The following SNX29 variants were observed in gnomAD, a reference collection of about 807,000 sequenced individuals.
The protein encoded by SNX29 is sorting nexin 29.
A neutral mutation model predicts 102.1 loss-of-function variants in SNX29; 78 were observed. That is an observed-to-expected ratio of 0.76 (90% confidence interval 0.64 to 0.92). The LOEUF is 0.92. Among genes scored for constraint, SNX29 ranks in the 40% least tolerant of loss-of-function variants. SNX29 has a pLI of 0.00. For synonymous variants in SNX29, 580 were observed against 414.5 expected (o/e 1.40, Z -4.85); for missense variants, 1,280 against 1,061.7 (o/e 1.21, Z -2.86).
At position 12,571,000 on chromosome 16, in the gene SNX29, C is replaced by T. The variant is rs115581496; in HGVS notation, c.*2371C>T. The T allele has an allele frequency of 5.0e-3, 1,162 of 232,536 alleles. 14 individuals are homozygous for T. The highest frequency in any genetic ancestry group is 0.024 in the African/African-American group (1,078 of 45,408). The allele number at this position is 232,536 out of a possible 1,614,324, so 14.4% of individuals were successfully genotyped here. Reference sequence around the variant, plus strand: ...ACCTCCCCCATGATCATGCACAGACCGTAGAGTCGAGTCATCTCGCAGATC... The same window carrying T: ...ACCTCCCCCATGATCATGCACAGACTGTAGAGTCGAGTCATCTCGCAGATC... On this transcript the variant is annotated 3_prime_UTR_variant, in exon 21 of 21. Transcript: ENST00000566228.
chr16:12,534,680 C>A (rs756449679), intron 20 of SNX29, among the ~76,000 whole-genome samples: 1 of 152,200 alleles, frequency 6.6e-6, no homozygotes, highest in Non-Finnish European at 1.5e-5. Flanking sequence ...GTCGGAGGAT[C>A]TTTGATTCTG....
At chr16:12,052,320 T>C in intron 8 of SNX29, 98 bp downstream of exon 8, 1 of 1,379,740 alleles carries the variant, frequency 7.2e-7, no homozygotes, top group South Asian at 1.3e-5. Flanking sequence ...GGGTTCAAGC[T>C]ATTCTCCTGC....
chr16:12,357,201 CT>C lies in SNX29; in HGVS notation c.1899+925del, dbSNP rs560050792. ...GCTGTGTAATGCACGCTCATATATC[CT>C]TTGTCAGGGTGAACAATTATCCGTC... is the stretch of plus-strand genomic sequence containing the variant. On this transcript the variant is annotated intron_variant, in intron 16 of 20. Coordinates refer to ENST00000566228, the MANE Select transcript of SNX29 (RefSeq NM_032167.5). 1.5e-3 allele frequency among the ~76,000 whole-genome samples: 224 copies of C among 152,306 alleles called. 2 individuals are homozygous for C. Among genetic ancestry groups the C allele is most frequent in the Non-Finnish European group, 5.4e-4 (37 of 68,036 alleles).
At chr16:12,537,849 G>A (rs1032786979) in intron 20 of SNX29, among the ~76,000 whole-genome samples, 9 of 152,244 alleles carry the variant, frequency 5.9e-5, no homozygotes, top group Admixed American at 3.3e-4. Context: ...GCTGGGCATG[G>A]TGGCTCACGC....
chr16:12,568,481 C>A, intron 20 of SNX29, 25 bp from the exon 21 acceptor site: 4 of 1,607,906 alleles, frequency 2.5e-6, no homozygotes, highest in South Asian at 1.1e-5. Context: ...CCAGACTTAA[C>A]CCGATTCTCT....
At chr16:12,509,956 A>G (rs2089538893) in intron 19 of SNX29, among the ~76,000 whole-genome samples, 1 of 152,224 alleles carries the variant, frequency 6.6e-6, no homozygotes. Flanking sequence ...CTTCCAGAAT[A>G]TGTTGGGTGA....
chr16:12,099,292 C>T (rs371647643), intron 11 of SNX29, among the ~76,000 whole-genome samples: 18 of 152,252 alleles, frequency 1.2e-4, no homozygotes, highest in South Asian at 4.1e-4. Flanking sequence ...CCCTTGGTTC[C>T]GTTTTCTTGT....
intron 14 of SNX29, among the ~76,000 whole-genome samples, chr16:12,258,195 T>C (rs988434403): frequency 2.6e-5 from 4 of 152,140 alleles, no homozygotes; most frequent in South Asian, 2.1e-4. Context: ...GAATAAGATA[T>C]GAAGTTTCCC....
At chr16:12,556,432 G>A (rs948367734) in intron 20 of SNX29, 1 of 152,252 alleles carries the variant, frequency 6.6e-6, no homozygotes, top group African/African-American at 2.4e-5. Flanking sequence ...TACAGATGCT[G>A]TGAAGAAACT....
At chr16:12,196,519 G>C (rs1723301664) in intron 13 of SNX29, among the ~76,000 whole-genome samples, 1 of 152,084 alleles carries the variant, frequency 6.6e-6, no homozygotes, top group Admixed American at 6.6e-5. Context: ...CCACTTCATA[G>C]CTAGCAAGGA....
chr16:12,151,194 TTTG>T (rs1350619413), intron 13 of SNX29, among the ~76,000 whole-genome samples: 1 of 152,210 alleles, frequency 6.6e-6, no homozygotes, highest in African/African-American at 2.4e-5. Flanking sequence ...CACTCTCTGC[TTTG>T]TTTTTTGCTT....
chr16:12,099,614 G>A (rs148348020), intron 11 of SNX29, among the ~76,000 whole-genome samples: 10 of 152,328 alleles, frequency 6.6e-5, no homozygotes, highest in African/African-American at 2.2e-4. Context: ...GTGGAGTCCT[G>A]TCGGCCTCCA....
At chr16:12,206,199 A>C (rs911955675) in intron 14 of SNX29, among the ~76,000 whole-genome samples, 1 of 152,158 alleles carries the variant, frequency 6.6e-6, no homozygotes, top group Non-Finnish European at 1.5e-5. Flanking sequence ...GAGTCATACA[A>C]TCTGATTTAA....
intron 20 of SNX29, among the ~76,000 whole-genome samples, chr16:12,564,290 A>G (rs562665765): frequency 1.3e-5 from 2 of 152,316 alleles, no homozygotes; most frequent in Admixed American, 6.5e-5. Context: ...AAAAGTTCCT[A>G]TGAAGTTGCT....
chr16:12,554,496 C>G (rs1405927719), intron 20 of SNX29, among the ~76,000 whole-genome samples: 1 of 152,222 alleles, frequency 6.6e-6, no homozygotes, highest in Non-Finnish European at 1.5e-5. Context: ...GGTTTCCAAG[C>G]TTCCTCCGCA....
intron 19 of SNX29, among the ~76,000 whole-genome samples, chr16:12,495,476 C>T (rs2088775911): frequency 6.6e-6 from 1 of 152,234 alleles, no homozygotes; most frequent in Admixed American, 6.5e-5. Context: ...CCTGGAAGAA[C>T]TGTTTCTCAG....
intron 18 of SNX29, among the ~76,000 whole-genome samples, chr16:12,431,962 G>T (rs1190591141): frequency 1.3e-5 from 2 of 152,210 alleles, no homozygotes; most frequent in Non-Finnish European, 2.9e-5. Flanking sequence ...TGTGCCCTGG[G>T]GATATACTCA....
At chr16:12,253,704 G>A (rs1343375574) in intron 14 of SNX29, among the ~76,000 whole-genome samples, 3 of 152,154 alleles carry the variant, frequency 2.0e-5, no homozygotes, top group African/African-American at 7.2e-5. Context: ...CCTGGGGCCT[G>A]GTGAGGTTGG....
chr16:12,562,817 C>T (rs932963046), intron 20 of SNX29, among the ~76,000 whole-genome samples: 45 of 152,302 alleles, frequency 3.0e-4, no homozygotes, highest in African/African-American at 1.1e-3. Context: ...TCCTTTCCCC[C>T]CAAATTTCCT....
Sources: gnomAD v4.1 joint callset for allele counts (sites outside exome capture counted in the v4.1 genomes callset) on GRCh38, gnomAD v4.1.1 for gene constraint, MANE v1.5 for transcripts, NCBI Gene and HGNC (gene_info 2026-07-23, HGNC 2026-07-21) for gene names.